Variants in DIP2A observed in about 807,000 individuals in gnomAD.
The protein encoded by DIP2A is DIP2 acetate--CoA ligase A, also known as disco-interacting protein 2 homolog A.
In DIP2A, 85 loss-of-function variants were observed where a neutral mutation model predicts 177.4. The observed-to-expected ratio is 0.48, with a 90% CI of 0.40 to 0.57. The LOEUF (loss-of-function observed/expected upper bound fraction) is 0.57, where lower values mean the gene tolerates loss of function less well. Ranked by LOEUF, DIP2A falls within the 20% of genes least tolerant of loss-of-function variation. DIP2A has a pLI of 0.00. For synonymous variants in DIP2A, 886 were observed against 881.8 expected (o/e 1.00, Z -0.08); for missense variants, 1,791 against 2,100.2 (o/e 0.85, Z 2.88).
Position 46,541,830 on chromosome 21 carries a change from G to C in DIP2A, c.2111G>C (p.Arg704Thr), listed in dbSNP as rs370324167. The change falls in exon 18 of 38, where the codon AGA becomes ACA. Residue 704 changes from arginine to threonine, a missense_variant. Coordinates refer to ENST00000417564, the MANE Select transcript of DIP2A (RefSeq NM_015151.4). ...SMNGLSYGVI[R>T]VDTEEKLSVL... is the part of the protein sequence containing the mutation. The stretch of plus-strand genomic sequence containing the variant: ...AACGGTCTAAGTTATGGTGTTATCA[G>C]AGTGGATACTGAAGAAAAGTTGTCA... 6 of 1,613,946 alleles carry C rather than the reference G, an allele frequency of 3.7e-6. No homozygotes were observed. The African/African-American group carries it at 5.3e-5, about 14-fold the overall frequency.
rs2060478199 is a variant in DIP2A at position 46,556,642 on chromosome 21, C to G, written c.3499-297C>G. The G allele has an allele frequency of 2.7e-6, 1 of 372,768 alleles. No homozygotes were observed. The highest frequency in any genetic ancestry group is 5.0e-6 in the Non-Finnish European group (1 of 198,894). 23.1% of individuals were successfully genotyped at this position (372,768 alleles called of 1,614,324 possible). On this transcript the variant is annotated intron_variant, in intron 29 of 37. Coordinates refer to ENST00000417564, the MANE Select transcript of DIP2A (RefSeq NM_015151.4). This position sits in a 1 kb window ranked among gnomAD's most constrained non-coding sequence, Gnocchi z 4.5. The stretch of plus-strand genomic sequence containing the variant: ...AGGTTGCAGTGAGCCGAGATTGTGC[C>G]ATTGCACTCCAGCCTGGGCGACAGA...
chr21:46,541,801 G>A lies in DIP2A; in HGVS notation c.2082G>A (p.Ser694=), dbSNP rs779042740. 2.2e-5 allele frequency: 36 copies of A among 1,613,924 alleles called. No homozygotes were observed. Among genetic ancestry groups the A allele is most frequent in the East Asian group, 1.8e-4 (8 of 44,874 alleles). ...CACCTCCAAGAAAAGCAGTCCTGTC[G>A]ATGAACGGTCTAAGTTATGGTGTTA... ...GGPPPRKAVL[S]MNGLSYGVIR... Residue 694 remains serine, a synonymous_variant, in exon 18 of 38, where the codon TCG becomes TCA. Coordinates refer to ENST00000417564, the MANE Select transcript of DIP2A (RefSeq NM_015151.4).
chr21:46,468,101 T>G (rs1024461312), intron 1 of DIP2A, among the ~76,000 whole-genome samples: 1 of 151,212 alleles, frequency 6.6e-6, no homozygotes, highest in Non-Finnish European at 1.5e-5. Context: ...CCGCCTCTAC[T>G]AAATAAAAAA....
chr21:46,521,374 A>G (rs1440805699), intron 8 of DIP2A, among the ~76,000 whole-genome samples: 1 of 152,144 alleles, frequency 6.6e-6, no homozygotes, highest in African/African-American at 2.4e-5. Flanking sequence ...TTTTTAGTAG[A>G]GACCGGTTTT....
chr21:46,503,439 G>A (rs1021433666), intron 5 of DIP2A, among the ~76,000 whole-genome samples: 1 of 152,032 alleles, frequency 6.6e-6, no homozygotes, highest in Admixed American at 6.6e-5. Flanking sequence ...GACTGCAAAG[G>A]TTTGGTGTCC....
At chr21:46,481,742 G>T (rs969152852) in intron 1 of DIP2A, among the ~76,000 whole-genome samples, 1 of 152,154 alleles carries the variant, frequency 6.6e-6, no homozygotes, top group Non-Finnish European at 1.5e-5. Flanking sequence ...ACTGAAAGCA[G>T]AAAAAACAAT....
intron 5 of DIP2A, among the ~76,000 whole-genome samples, chr21:46,499,791 T>A (rs1314945967): frequency 6.6e-6 from 1 of 152,152 alleles, no homozygotes; most frequent in Non-Finnish European, 1.5e-5. Context: ...CTCATCTTAA[T>A]CCCCTCCTTT....
intron 2 of DIP2A, among the ~76,000 whole-genome samples, chr21:46,485,238 G>C (rs1343598394): frequency 2.0e-5 from 1 of 51,112 alleles, no homozygotes; most frequent in African/African-American, 8.1e-5. Flanking sequence ...AATAGGTTTT[G>C]TGTGTGTGTG....
At chr21:46,550,490 T>A in intron 22 of DIP2A, 53 bp from the exon 23 acceptor site, 2 of 1,550,680 alleles carry the variant, frequency 1.3e-6, no homozygotes, top group Non-Finnish European at 1.8e-6. Flanking sequence ...CCACCCAGCA[T>A]CTCCCCAGCC....
intron 18 of DIP2A, among the ~76,000 whole-genome samples, chr21:46,544,320 A>G (rs143383499): frequency 2.0e-5 from 3 of 152,314 alleles, no homozygotes; most frequent in Admixed American, 6.5e-5. Flanking sequence ...TGGCCCCCAA[A>G]TGCGGAAAGG....
At chr21:46,511,730 G>C (rs1279846249) in intron 8 of DIP2A, 116 bp downstream of exon 8, 8 of 1,136,078 alleles carry the variant, frequency 7.0e-6, no homozygotes, top group Non-Finnish European at 9.6e-6. Flanking sequence ...ACAGCTGGCA[G>C]ATAAATAGAA....
chr21:46,529,752 A>G (rs138824773), intron 9 of DIP2A, among the ~76,000 whole-genome samples: 23 of 152,274 alleles, frequency 1.5e-4, no homozygotes, highest in African/African-American at 4.8e-4. Context: ...ATATGTTGAT[A>G]TTAAAAATGT....
At position 46,495,174 on chromosome 21, in the gene DIP2A, C is replaced by T. The variant is rs192083478; in HGVS notation, c.284-1814C>T. Among the ~76,000 whole-genome samples the T allele has an allele frequency of 7.0e-3, 1,001 of 143,702 alleles. 4 individuals carry two copies. The highest frequency in any genetic ancestry group is 0.011 in the Non-Finnish European group (716 of 65,228). 94.3% of individuals were successfully genotyped at this position (143,702 alleles called of 152,430 possible). ...CCTCCATCCCTCCCTCTTTCTCTTT[C>T]GCTTTTTCTCTTCTCTTCTCTTCTC... On this transcript the variant is annotated intron_variant, in intron 3 of 37. Transcript: ENST00000417564.
intron 1 of DIP2A, among the ~76,000 whole-genome samples, chr21:46,472,360 G>A (rs1435453454): frequency 1.3e-5 from 2 of 152,302 alleles, no homozygotes; most frequent in East Asian, 3.9e-4. Context: ...CTGAACAGAC[G>A]GACACTCAGT....
chr21:46,497,979 AAC>A (rs1401485450), intron 4 of DIP2A, among the ~76,000 whole-genome samples: 1 of 152,218 alleles, frequency 6.6e-6, no homozygotes, highest in Non-Finnish European at 1.5e-5. Context: ...GACTTGAAGA[AAC>A]CTTAATGTAC....
At chr21:46,469,802 C>T (rs2055187092) in intron 1 of DIP2A, among the ~76,000 whole-genome samples, 1 of 152,190 alleles carries the variant, frequency 6.6e-6, no homozygotes, top group Non-Finnish European at 1.5e-5. Flanking sequence ...CTGGTTCCCT[C>T]CCCATTTTCC....
In DIP2A at chr21:46,498,510, G is replaced by A. The variant is rs1176462098; in HGVS notation, c.404-72G>A. On this transcript the variant is annotated intron_variant, in intron 4 of 37. Coordinates refer to ENST00000417564, the MANE Select transcript of DIP2A (RefSeq NM_015151.4). This position sits in a 1 kb window ranked among gnomAD's most constrained non-coding sequence, Gnocchi z 4.3. ...CTGCACACAGGTCTGGGAGGCTCCA[G>A]TGTGAGTGGGAACTCCGTCCTCCTC... 5 of 1,536,698 alleles carry A rather than the reference G, an allele frequency of 3.3e-6. No individual in the cohort carries two copies. Among genetic ancestry groups the A allele is most frequent in the African/African-American group, 1.4e-5 (1 of 73,634 alleles).
chr21:46,524,240 C>G (rs1322237290), intron 8 of DIP2A, among the ~76,000 whole-genome samples: 1 of 152,192 alleles, frequency 6.6e-6, no homozygotes, highest in Non-Finnish European at 1.5e-5. Flanking sequence ...AGGGACTTTA[C>G]TGAAGGGGGA....
chr21:46,525,281 G>A (rs1041261083), intron 8 of DIP2A, among the ~76,000 whole-genome samples: 8 of 152,138 alleles, frequency 5.3e-5, no homozygotes, highest in African/African-American at 1.9e-4. Flanking sequence ...TTGTTTTACT[G>A]TTCACATTTA....
Sources: gnomAD v4.1 joint callset for allele counts (sites outside exome capture counted in the v4.1 genomes callset) on GRCh38, gnomAD v4.1.1 for gene constraint, Gnocchi (gnomAD v3.1) non-coding constraint, MANE v1.5 for transcripts, NCBI Gene and HGNC (gene_info 2026-07-23, HGNC 2026-07-21) for gene names.